The following GPATCH8 variants were observed in gnomAD, a reference collection of about 807,000 sequenced individuals.
GPATCH8 encodes the protein G-patch domain containing 8.
A neutral mutation model predicts 118.3 loss-of-function variants in GPATCH8; 18 were observed. The ratio of observed to expected loss-of-function variants is 0.15; its 90% CI spans 0.11 to 0.23. The LOEUF (loss-of-function observed/expected upper bound fraction) is 0.23, where lower values mean the gene tolerates loss of function less well. Ranked by LOEUF, GPATCH8 falls within the 10% of genes least tolerant of loss-of-function variation. The pLI, the probability that GPATCH8 is intolerant of heterozygous loss-of-function variation, is 1.00. For synonymous variants in GPATCH8, 659 were observed against 684.7 expected, an observed-to-expected ratio of 0.96 and a Z score of 0.59; for missense variants, 1,631 against 1,873.8, an observed-to-expected ratio of 0.87 and a Z score of 2.39.
chr17:44,413,431 C>T (rs1008341934), intron 6 of GPATCH8, among the ~76,000 whole-genome samples: 2 of 151,936 alleles, frequency 1.3e-5, no homozygotes, highest in African/African-American at 2.4e-5. Flanking sequence ...CCACCATGCC[C>T]GGCTAATTTT....
chr17:44,485,368 C>T (rs1328111592), intron 1 of GPATCH8, among the ~76,000 whole-genome samples: 1 of 152,196 alleles, frequency 6.6e-6, no homozygotes, highest in Non-Finnish European at 1.5e-5. Flanking sequence ...CCTGCTTCGG[C>T]CTCCAAAAGT....
At chr17:44,436,022 T>C (rs2050499998) in intron 4 of GPATCH8, among the ~76,000 whole-genome samples, 1 of 72,912 alleles carries the variant, frequency 1.4e-5, no homozygotes, top group African/African-American at 5.6e-5. Context: ...AGAGCGAAAC[T>C]CCATCTCAAA....
Position 44,436,558 on chromosome 17 carries a change from C to T in GPATCH8, c.194-13G>A. ...GGATCTGTTCTCCCTGTAACAGGAACACATAATCAAGGTAAGGTGCAAAGC... is the reference window on the plus strand; with the variant it reads ...GGATCTGTTCTCCCTGTAACAGGAATACATAATCAAGGTAAGGTGCAAAGC... On this transcript the variant is annotated splice_polypyrimidine_tract_variant and intron_variant, in intron 3 of 7. Coordinates refer to ENST00000591680, the MANE Select transcript of GPATCH8 (RefSeq NM_001002909.4). The T allele has an allele frequency of 1.5e-6, 2 of 1,350,410 alleles. No individual in the cohort carries two copies. The highest frequency in any genetic ancestry group is 1.2e-5 in the South Asian group (1 of 85,900). 83.7% of individuals were successfully genotyped at this position (1,350,410 alleles called of 1,614,324 possible). A position where few individuals can be genotyped will look rare whatever the true frequency, so the allele number is the denominator to read the frequency against.
chr17:44,471,905 A>G (rs2144359066), intron 2 of GPATCH8, among the ~76,000 whole-genome samples: 1 of 151,752 alleles, frequency 6.6e-6, no homozygotes, highest in Non-Finnish European at 1.5e-5. Context: ...AAAAAGAGAA[A>G]AACACTTAAA....
chr17:44,459,518 T>G (rs2051465770), intron 3 of GPATCH8, among the ~76,000 whole-genome samples: 1 of 152,198 alleles, frequency 6.6e-6, no homozygotes, highest in African/African-American at 2.4e-5. Context: ...AACCCAGATC[T>G]TTTATTTCCA....
At chr17:44,438,761 G>A (rs763516955) in intron 3 of GPATCH8, 1 of 152,560 alleles carries the variant, frequency 6.6e-6, no homozygotes, top group Non-Finnish European at 1.5e-5. Context: ...CATTAGGGTA[G>A]GAAACAGGCC....
At chr17:44,428,359 G>A (rs2050165269) in intron 5 of GPATCH8, among the ~76,000 whole-genome samples, 1 of 151,930 alleles carries the variant, frequency 6.6e-6, no homozygotes. Flanking sequence ...CAGGTGTGGT[G>A]GTGGGCGCCT....
At chr17:44,411,146 T>G (rs2049414208) in intron 6 of GPATCH8, among the ~76,000 whole-genome samples, 1 of 152,104 alleles carries the variant, frequency 6.6e-6, no homozygotes, top group Admixed American at 6.5e-5. Flanking sequence ...TTCTGCTCAG[T>G]GTCTATTAAA....
In GPATCH8 at chr17:44,486,521, T is replaced by C. The variant is rs558875766; in HGVS notation, c.46-11618A>G. The C allele has an allele frequency of 5.3e-5, 8 of 152,358 alleles. No homozygotes were observed. The East Asian group carries it at 1.2e-3, about 22-fold the overall frequency. 9.4% of individuals were successfully genotyped at this position (152,358 alleles called of 1,614,324 possible). ...ACAATTTTTGTAATAACTTTAATCT[T>C]ACCTCTAAATATGTCATCTAGTCTG... On this transcript the variant is annotated intron_variant, in intron 1 of 7. Transcript: ENST00000591680.
chr17:44,406,495 A>AT (rs1231057815), intron 6 of GPATCH8, among the ~76,000 whole-genome samples: 1 of 1,976 alleles, frequency 5.1e-4, no homozygotes, highest in Non-Finnish European at 1.9e-3. Flanking sequence ...TACAGCTTAC[A>AT]TGGGGGGGGG....
intron 3 of GPATCH8, among the ~76,000 whole-genome samples, chr17:44,459,012 A>G (rs933027503): frequency 6.6e-6 from 1 of 152,172 alleles, no homozygotes; most frequent in Non-Finnish European, 1.5e-5. Flanking sequence ...TGGGGACCCA[A>G]CTTTTAAAAT....
At chr17:44,414,067 A>ATATATATATATGTGTGTG (rs1179441912) in intron 6 of GPATCH8, among the ~76,000 whole-genome samples, 2 of 144,422 alleles carry the variant, frequency 1.4e-5, no homozygotes, top group African/African-American at 5.0e-5. Context: ...GCATATATAT[A>ATATATATATATGTGTGTG]TATATATATA....
intron 6 of GPATCH8, among the ~76,000 whole-genome samples, chr17:44,419,802 A>G (rs533818054): frequency 6.6e-6 from 1 of 152,282 alleles, no homozygotes; most frequent in South Asian, 2.1e-4. Flanking sequence ...CTGGGATTAT[A>G]GGCATGAGCC....
rs1168938924 is a variant in GPATCH8, at chr17:44,406,500, G to GC, written c.493-450_493-449insG. Among the ~76,000 whole-genome samples the GC allele has an allele frequency of 1.6e-4, 21 of 129,182 alleles. 4 individuals are homozygous for GC. The highest frequency in any genetic ancestry group is 8.5e-4 in the South Asian group (3 of 3,546). The allele number at this position is 129,182 out of a possible 152,430, so 84.7% of individuals were successfully genotyped here. A position where few individuals can be genotyped will look rare whatever the true frequency, so the allele number is the denominator to read the frequency against. On this transcript the variant is annotated intron_variant, in intron 6 of 7. Coordinates refer to ENST00000591680, the MANE Select transcript of GPATCH8 (RefSeq NM_001002909.4). ...AAAAGCAATGTACAGCTTACATGGG[G>GC]GGGGGGGGTTATTTAAATTAGAACA...
chr17:44,443,879 G>T (rs982651037), intron 3 of GPATCH8, among the ~76,000 whole-genome samples: 2 of 152,056 alleles, frequency 1.3e-5, no homozygotes, highest in Non-Finnish European at 2.9e-5. Context: ...CATGTTGCCC[G>T]CCCAGTTTGT....
chr17:44,461,054 A>G (rs1340498422), intron 3 of GPATCH8, among the ~76,000 whole-genome samples: 1 of 152,242 alleles, frequency 6.6e-6, no homozygotes, highest in Non-Finnish European at 1.5e-5. Context: ...TAAAGATACT[A>G]ATCATTTAAA....
At chr17:44,402,762 C>T (rs2049076900) in intron 7 of GPATCH8, among the ~76,000 whole-genome samples, 2 of 152,220 alleles carry the variant, frequency 1.3e-5, no homozygotes, top group Non-Finnish European at 2.9e-5. Flanking sequence ...ACTAAAAAGT[C>T]CATGCCTATC....
At chr17:44,490,036 C>T (rs1386669999) in intron 1 of GPATCH8, among the ~76,000 whole-genome samples, 5 of 152,128 alleles carry the variant, frequency 3.3e-5, no homozygotes, top group Non-Finnish European at 1.5e-5. Flanking sequence ...GGTGCAGTGG[C>T]TCACACCTAT....
rs781095041 is a variant in GPATCH8 at position 44,398,536 on chromosome 17, G to C, written c.3541C>G (p.Pro1181Ala). ...EQEQSETEEG[P>A]PGSSDALFGH... ...AATAGGGCATCACTACTCCCTGGGGGCCCCTCTTCTGTCTCTGACTGTTCT... is the reference window on the plus strand; with the variant it reads ...AATAGGGCATCACTACTCCCTGGGGCCCCCTCTTCTGTCTCTGACTGTTCT... The change falls in exon 8 of 8, where the codon CCC (proline) becomes GCC (alanine). Residue 1181 changes from proline (P) to alanine (A), a missense_variant. Transcript: ENST00000591680. 4 of 1,592,218 alleles carry C rather than the reference G, an allele frequency of 2.5e-6. No individual in the cohort carries two copies. Among genetic ancestry groups the C allele is most frequent in the Admixed American group, 3.5e-5 (2 of 56,494 alleles).
Sources: allele counts gnomAD v4.1 joint callset (sites outside exome capture counted in the v4.1 genomes callset), GRCh38; gene constraint gnomAD v4.1.1; transcripts MANE v1.5; gene names NCBI Gene and HGNC (gene_info 2026-07-23, HGNC 2026-07-21).